The following CCDC175 variants were observed in gnomAD, a reference collection of about 807,000 sequenced individuals.
CCDC175 encodes the protein coiled-coil domain-containing protein 175.
CCDC175 carries 100 observed loss-of-function variants against 114.6 expected under a neutral mutation model. The ratio of observed to expected loss-of-function variants is 0.87; its 90% CI spans 0.74 to 1.03. The LOEUF (loss-of-function observed/expected upper bound fraction) is 1.03, where lower values mean the gene tolerates loss of function less well. Ranked by LOEUF, CCDC175 falls within the 50% of genes least tolerant of loss-of-function variation. The probability of loss-of-function intolerance (pLI) is 0.00; values close to 1 mark genes in which losing one functional copy is unlikely to be tolerated. For missense variants in CCDC175, 880 were observed against 917.8 expected (o/e 0.96, Z 0.53); for synonymous variants, 306 against 308.7 (o/e 0.99, Z 0.09).
At chr14:59,511,019 C>T (rs1892707485) in intron 18 of CCDC175, among the ~76,000 whole-genome samples, 1 of 152,118 alleles carries the variant, frequency 6.6e-6, no homozygotes, top group East Asian at 1.9e-4. Flanking sequence ...TAATGGAATG[C>T]TCACTGAACT....
At chr14:59,508,311 G>T (rs1892542681) in intron 19 of CCDC175, among the ~76,000 whole-genome samples, 1 of 151,258 alleles carries the variant, frequency 6.6e-6, no homozygotes, top group Admixed American at 6.6e-5. Flanking sequence ...TATAATCCCA[G>T]CACTTTAGGA....
intron 9 of CCDC175, among the ~76,000 whole-genome samples, chr14:59,544,430 T>C (rs1227691983): frequency 6.6e-6 from 1 of 152,170 alleles, no homozygotes; most frequent in Non-Finnish European, 1.5e-5. Context: ...TTTATAGTCT[T>C]GTTCAAATGC....
intron 15 of CCDC175, among the ~76,000 whole-genome samples, chr14:59,526,166 CTATTA>C (rs1010543438): frequency 6.8e-4 from 104 of 152,126 alleles, no homozygotes; most frequent in Middle Eastern, 3.2e-3. Flanking sequence ...TATTATTATA[CTATTA>C]TAAGTTGCAT....
intron 16 of CCDC175, 115 bp downstream of exon 16, chr14:59,525,167 T>C: frequency 1.2e-6 from 1 of 807,260 alleles, no homozygotes. Context: ...CTGTGTGTAC[T>C]TTATGCTCCA....
At chr14:59,538,183 T>C (rs975643188) in intron 12 of CCDC175, 29 bp from the exon 13 acceptor site, 3 of 1,524,038 alleles carry the variant, frequency 2.0e-6, no homozygotes, top group African/African-American at 2.8e-5. Context: ...GAATTTGTCA[T>C]TTCTCTTGTA....
At chr14:59,518,412 A>T (rs189905203) in intron 17 of CCDC175, among the ~76,000 whole-genome samples, 6,258 of 152,264 alleles carry the variant, frequency 0.041, 165 homozygotes, top group Non-Finnish European at 0.06. Context: ...AAATTTTTGC[A>T]ATCTACTCAT....
intron 10 of CCDC175, among the ~76,000 whole-genome samples, chr14:59,542,060 T>C (rs1377390872): frequency 6.6e-6 from 1 of 152,222 alleles, no homozygotes; most frequent in Non-Finnish European, 1.5e-5. Context: ...ACCCCCTACC[T>C]TAGTTCTATA....
intron 18 of CCDC175, 27 bp downstream of exon 18, chr14:59,511,733 G>A: frequency 6.6e-7 from 1 of 1,524,248 alleles, no homozygotes; most frequent in Non-Finnish European, 8.8e-7. Context: ...TATTTATATG[G>A]AGGCAACAGA....
In CCDC175 at chr14:59,531,854, C is replaced by T. The variant is rs1595012202; in HGVS notation, c.1680G>A (p.Glu560=). Residue 560 remains glutamate (E), a synonymous_variant, in exon 14 of 20, where the codon GAG becomes GAA. Transcript: ENST00000537690. ...INKEKEEELV[E]YLPQLQVAEQ... ...CTGCCACCTGAAGTTGTGGAAGATA[C>T]TCAACTAGTTCTTCTTCCTTTTCTT... 2 of 1,370,332 alleles carry T rather than the reference C, an allele frequency of 1.5e-6. No homozygotes were observed. Among genetic ancestry groups the T allele is most frequent in the East Asian group, 2.5e-5 (1 of 39,902 alleles). The allele number at this position is 1,370,332 out of a possible 1,614,324, so 84.9% of individuals were successfully genotyped here.
intron 7 of CCDC175, among the ~76,000 whole-genome samples, chr14:59,553,852 T>A (rs1372249523): frequency 6.6e-6 from 1 of 151,596 alleles, no homozygotes; most frequent in Non-Finnish European, 1.5e-5. Flanking sequence ...CCAACAAAGA[T>A]CAAAAGAGAC....
intron 17 of CCDC175, 119 bp from the exon 18 acceptor site, chr14:59,511,922 C>A: frequency 2.8e-6 from 2 of 720,874 alleles, no homozygotes; most frequent in East Asian, 2.7e-5. Context: ...TGTCTAGTTC[C>A]AAAATGACAG....
At chr14:59,565,785 G>C (rs1336100365) in intron 4 of CCDC175, among the ~76,000 whole-genome samples, 1 of 152,096 alleles carries the variant, frequency 6.6e-6, no homozygotes, top group Non-Finnish European at 1.5e-5. Flanking sequence ...TACCACTTTT[G>C]AATGTCACGT....
Position 59,538,794 on chromosome 14 carries a change from G to C in CCDC175, c.1402C>G (p.Arg468Gly). 6.5e-7 allele frequency: 1 copy of C among 1,536,578 alleles called. No homozygotes were observed. The highest frequency in any genetic ancestry group is 8.7e-7 in the Non-Finnish European group (1 of 1,146,568). ...KMACLRKKHARWTAKIKAEIQ... is the reference protein window; with the variant it reads ...KMACLRKKHAGWTAKIKAEIQ... ...TCAGCTTTTATCTTGGCTGTCCAAC[G>C]TGCATGCTTTTTTCTCAAGCAAGCC... The change falls in exon 12 of 20, where the codon CGT becomes GGT. Residue 468 changes from arginine to glycine, a missense_variant. Transcript: ENST00000537690.
rs150855264 is a variant in CCDC175, at chr14:59,558,317, C to T, written c.953+2802G>A. The stretch of plus-strand genomic sequence containing the variant: ...CAGAAGAGCAACATGAACCTATGGA[C>T]ATCTTGTAGGGATGACTCTGGTTAC... On this transcript the variant is annotated intron_variant, in intron 7 of 19. Coordinates refer to ENST00000537690, the MANE Select transcript of CCDC175 (RefSeq NM_001164399.2). Among the ~76,000 whole-genome samples, 723 of 152,258 alleles carry T rather than the reference C, an allele frequency of 4.7e-3. 2 individuals carry two copies. The highest frequency in any genetic ancestry group is 0.016 in the African/African-American group (682 of 41,560).
chr14:59,569,991 A>G (rs1896757462), intron 3 of CCDC175, among the ~76,000 whole-genome samples: 1 of 152,158 alleles, frequency 6.6e-6, no homozygotes, highest in African/African-American at 2.4e-5. Flanking sequence ...GTCTCATTAG[A>G]TCGTAAAGAA....
At chr14:59,521,282 C>A (rs1893413669) in intron 17 of CCDC175, among the ~76,000 whole-genome samples, 1 of 152,138 alleles carries the variant, frequency 6.6e-6, no homozygotes, top group African/African-American at 2.4e-5. Context: ...CCAAGTTCTT[C>A]AGCTTTTGGA....
rs1183482139 is a variant in CCDC175 at position 59,576,724 on chromosome 14, G to A, written c.52C>T (p.Gln18Ter). 1.4e-6 allele frequency: 2 copies of A among 1,476,716 alleles called. No individual in the cohort carries two copies. The highest frequency in any genetic ancestry group is 2.9e-5 in the East Asian group (1 of 34,738). 91.5% of individuals were successfully genotyped at this position (1,476,716 alleles called of 1,614,324 possible). Residue 18 changes from glutamine to a stop codon, truncating the protein, a stop_gained, in exon 1 of 20, where the codon CAG (glutamine) becomes TAG (stop). Transcript: ENST00000537690. LOFTEE classifies it high-confidence loss of function. Reference protein sequence around the residue: ...PGLGAGEKLVQAAAVSTGPSL... With the variant: ...PGLGAGEKLV ...GGGCCAGTGGAGACGGCAGCCGCCT[G>A]CACCAGCTTCTCGCCAGCGCCCAGC...
chr14:59,552,064 G>C (rs1364620577), intron 7 of CCDC175, among the ~76,000 whole-genome samples: 1 of 152,242 alleles, frequency 6.6e-6, no homozygotes, highest in Non-Finnish European at 1.5e-5. Context: ...CGAACAAAAG[G>C]CAGCAGAAAC....
intron 14 of CCDC175, 74 bp downstream of exon 14, chr14:59,531,698 C>T: frequency 9.3e-7 from 1 of 1,071,738 alleles, no homozygotes; most frequent in Non-Finnish European, 1.3e-6. Context: ...TAACTGATGA[C>T]CTCCTTGTGT....
Sources: allele counts gnomAD v4.1 joint callset (sites outside exome capture counted in the v4.1 genomes callset), GRCh38; gene constraint gnomAD v4.1.1; transcripts MANE v1.5; gene names NCBI Gene and HGNC (gene_info 2026-07-23, HGNC 2026-07-21).